The following SORCS1 variants were observed in gnomAD, a reference collection of about 807,000 sequenced individuals.
The protein encoded by SORCS1 is sortilin related VPS10 domain containing receptor 1, also known as VPS10 domain-containing receptor SorCS1.
SORCS1 carries 60 observed loss-of-function variants against 146.1 expected under a neutral mutation model. The ratio of observed to expected loss-of-function variants is 0.41; its 90% CI spans 0.33 to 0.51. The LOEUF (loss-of-function observed/expected upper bound fraction) is 0.51. Ranked by LOEUF, SORCS1 falls within the 20% of genes least tolerant of loss-of-function variation. The pLI, the probability that SORCS1 is intolerant of heterozygous loss-of-function variation, is 0.21. For synonymous variants in SORCS1, 637 were observed against 584.0 expected, an observed-to-expected ratio of 1.09 and a Z score of -1.31; for missense variants, 1,352 against 1,487.6, an observed-to-expected ratio of 0.91 and a Z score of 1.50.
intron 1 of SORCS1, among the ~76,000 whole-genome samples, chr10:107,160,202 C>G (rs1969597054): frequency 6.6e-6 from 1 of 152,212 alleles, no homozygotes; most frequent in South Asian, 2.1e-4. Context: ...ATAGGATTAT[C>G]TAAAATATAA....
chr10:106,976,206 CATCT>C (rs1460124593), intron 1 of SORCS1, among the ~76,000 whole-genome samples: 1 of 147,500 alleles, frequency 6.8e-6, no homozygotes, highest in African/African-American at 2.5e-5. Flanking sequence ...TCTGTTGCTT[CATCT>C]GTTTTTTTTT....
intron 1 of SORCS1, among the ~76,000 whole-genome samples, chr10:107,030,050 C>G (rs932787073): frequency 1.3e-5 from 2 of 152,038 alleles, no homozygotes; most frequent in African/African-American, 4.8e-5. Context: ...CGCACAATAA[C>G]TTAGAGGTTC....
intron 3 of SORCS1, among the ~76,000 whole-genome samples, chr10:106,793,295 T>A (rs1946403132): frequency 6.6e-6 from 1 of 152,200 alleles, no homozygotes; most frequent in Admixed American, 6.5e-5. Flanking sequence ...GACAGGGGAA[T>A]CACGTATGCA....
chr10:107,103,787 T>C (rs946146713), intron 1 of SORCS1, among the ~76,000 whole-genome samples: 1 of 152,188 alleles, frequency 6.6e-6, no homozygotes, highest in East Asian at 1.9e-4. Flanking sequence ...AGGAATCCAG[T>C]AGCCATTATA....
intron 2 of SORCS1, among the ~76,000 whole-genome samples, chr10:106,878,993 A>C (rs1174650722): frequency 6.6e-6 from 1 of 151,072 alleles, no homozygotes; most frequent in Non-Finnish European, 1.5e-5. Context: ...TAAAAATACA[A>C]AAAAAAAGTA....
intron 1 of SORCS1, among the ~76,000 whole-genome samples, chr10:107,069,294 C>T (rs1476170575): frequency 6.6e-6 from 1 of 152,184 alleles, no homozygotes; most frequent in Non-Finnish European, 1.5e-5. Context: ...GAATTCACCT[C>T]TATTATTTCC....
chr10:107,075,028 T>A (rs1449045557), intron 1 of SORCS1, among the ~76,000 whole-genome samples: 1 of 152,190 alleles, frequency 6.6e-6, no homozygotes, highest in Non-Finnish European at 1.5e-5. Context: ...AGTGGGATGA[T>A]CTACATCTCT....
At chr10:107,041,596 C>A (rs1289696923) in intron 1 of SORCS1, among the ~76,000 whole-genome samples, 4 of 151,970 alleles carry the variant, frequency 2.6e-5, no homozygotes, top group African/African-American at 9.7e-5. Context: ...ACTCAAACTC[C>A]CAGTTTTTTT....
At chr10:106,766,129 T>C (rs1199871654) in intron 4 of SORCS1, among the ~76,000 whole-genome samples, 1 of 152,156 alleles carries the variant, frequency 6.6e-6, no homozygotes, top group Non-Finnish European at 1.5e-5. Flanking sequence ...GCGCCTGTGT[T>C]GGCGGAAAAC....
intron 2 of SORCS1, among the ~76,000 whole-genome samples, chr10:106,895,651 G>A (rs1435269058): frequency 1.3e-5 from 2 of 152,170 alleles, no homozygotes; most frequent in Non-Finnish European, 2.9e-5. Flanking sequence ...TGGAGAGGAT[G>A]TGGAGAAACT....
intron 1 of SORCS1, among the ~76,000 whole-genome samples, chr10:107,123,095 A>AG (rs1966500827): frequency 6.7e-6 from 1 of 149,118 alleles, no homozygotes; most frequent in African/African-American, 2.5e-5. Context: ...AAAAAAAAAA[A>AG]GGAAGAAAAT....
intron 6 of SORCS1, among the ~76,000 whole-genome samples, chr10:106,714,835 T>C (rs909541828): frequency 6.6e-6 from 1 of 152,162 alleles, no homozygotes; most frequent in Non-Finnish European, 1.5e-5. Flanking sequence ...TCTCTGCTTG[T>C]TCTTTCTCTA....
chr10:107,030,732 A>C (rs1958613276), intron 1 of SORCS1, among the ~76,000 whole-genome samples: 1 of 152,222 alleles, frequency 6.6e-6, no homozygotes, highest in Non-Finnish European at 1.5e-5. Flanking sequence ...TCATTTTTAC[A>C]TTATGCCGAG....
chr10:106,963,317 G>A (rs10884394), intron 1 of SORCS1, among the ~76,000 whole-genome samples: 30,374 of 151,368 alleles, frequency 0.2, 4,790 homozygotes, highest in East Asian at 0.43. Context: ...GGGTTTCACC[G>A]TGTTAGCCAG....
At chr10:106,963,110 ATTTTTTTTTT>A (rs749174613) in intron 1 of SORCS1, among the ~76,000 whole-genome samples, 15 of 76,310 alleles carry the variant, frequency 2.0e-4, no homozygotes, top group African/African-American at 5.9e-4. Context: ...AATGGCCAGA[ATTTTTTTTTT>A]TTTTTTTTTT....
intron 3 of SORCS1, among the ~76,000 whole-genome samples, chr10:106,791,889 C>T (rs981965704): frequency 3.3e-5 from 5 of 152,102 alleles, no homozygotes; most frequent in Admixed American, 3.3e-4. Flanking sequence ...CACTTTCATT[C>T]CTAATGACAG....
At chr10:106,834,104 T>A (rs1948685133) in intron 2 of SORCS1, among the ~76,000 whole-genome samples, 2 of 152,182 alleles carry the variant, frequency 1.3e-5, no homozygotes. Context: ...TGGAAGGCAA[T>A]TTCTAGTGCC....
chr10:106,944,020 A>G (rs1188607522), intron 2 of SORCS1, among the ~76,000 whole-genome samples: 4 of 152,134 alleles, frequency 2.6e-5, no homozygotes, highest in Admixed American at 6.5e-5. Flanking sequence ...TACAAAATCT[A>G]TTAAAATCAC....
chr10:107,125,028 C>A (rs1313862750), intron 1 of SORCS1, among the ~76,000 whole-genome samples: 2 of 147,850 alleles, frequency 1.4e-5, no homozygotes, highest in African/African-American at 5.0e-5. Context: ...TCTCGGCTCA[C>A]TGCAACCTCT....
Sources: allele counts gnomAD v4.1 joint callset (sites outside exome capture counted in the v4.1 genomes callset), GRCh38; gene constraint gnomAD v4.1.1; transcripts MANE v1.5; gene names NCBI Gene and HGNC (gene_info 2026-07-23, HGNC 2026-07-21).